The following CUL2 variants were observed in gnomAD, a reference collection of about 807,000 sequenced individuals.
CUL2 encodes the protein cullin-2.
A neutral mutation model predicts 110.2 loss-of-function variants in CUL2; 22 were observed. That is an observed-to-expected ratio of 0.20 (90% CI 0.14 to 0.28). The LOEUF is 0.28. Ranked by LOEUF, CUL2 falls within the 10% of genes least tolerant of loss-of-function variation. CUL2 has a pLI of 1.00. For synonymous variants in CUL2, 279 were observed against 293.2 expected, an observed-to-expected ratio of 0.95 and a Z score of 0.49; for missense variants, 631 against 905.5, an observed-to-expected ratio of 0.70 and a Z score of 3.89.
At chr10:35,064,522 G>T (rs2134945510) in intron 2 of CUL2, among the ~76,000 whole-genome samples, 1 of 152,190 alleles carries the variant, frequency 6.6e-6, no homozygotes, top group South Asian at 2.1e-4. Context: ...ATGGTTCCTA[G>T]CACTTGATGA....
At chr10:35,085,433 A>T (rs1035294256) in intron 1 of CUL2, among the ~76,000 whole-genome samples, 1 of 147,490 alleles carries the variant, frequency 6.8e-6, no homozygotes, top group Non-Finnish European at 1.5e-5. Flanking sequence ...CCGTCCCAAA[A>T]AAAAATAAAA....
intron 5 of CUL2, among the ~76,000 whole-genome samples, chr10:35,051,716 T>G (rs1369726270): frequency 6.6e-6 from 1 of 152,240 alleles, no homozygotes; most frequent in Non-Finnish European, 1.5e-5. Context: ...CATTTTGGGT[T>G]CTTCCCTGTG....
At chr10:35,077,825 A>G (rs902805621) in intron 1 of CUL2, among the ~76,000 whole-genome samples, 1 of 150,942 alleles carries the variant, frequency 6.6e-6, no homozygotes, top group Non-Finnish European at 1.5e-5. Flanking sequence ...CTCAAAAAAA[A>G]AAAAAGAAAA....
At chr10:35,062,260 GC>G (rs1247315735) in intron 3 of CUL2, among the ~76,000 whole-genome samples, 2 of 152,172 alleles carry the variant, frequency 1.3e-5, no homozygotes, top group African/African-American at 4.8e-5. Flanking sequence ...CACAGAGACA[GC>G]TTCTATCACC....
chr10:35,121,361 GCA>G (rs2087676510), intron 1 of CUL2, among the ~76,000 whole-genome samples: 4 of 152,184 alleles, frequency 2.6e-5, no homozygotes, highest in African/African-American at 9.7e-5. Flanking sequence ...CCAAGTAGCA[GCA>G]ACTATAGGCA....
Position 35,010,273 on chromosome 10 carries a change from G to A in CUL2, c.*38C>T. ...CACAGGAACACACCAAATGGTGATG[G>A]CAATGATCTTCTCACACCACGCTGG... is the stretch of plus-strand genomic sequence containing the variant. On this transcript the variant is annotated 3_prime_UTR_variant, in exon 21 of 21. Coordinates refer to ENST00000374749, the MANE Select transcript of CUL2 (RefSeq NM_003591.4). 3.2e-6 allele frequency: 5 copies of A among 1,544,952 alleles called. No homozygotes were observed. The highest frequency in any genetic ancestry group is 4.4e-6 in the Non-Finnish European group (5 of 1,142,384).
In CUL2 at chr10:35,035,661, C is replaced by G. The variant is rs377220799; in HGVS notation, c.878-365G>C. Reference sequence around the variant, plus strand: ...CTATGTATTTTACAGCTGCACAGTACTCCATTATGTGGATATAATTTCTTA... The same window carrying G: ...CTATGTATTTTACAGCTGCACAGTAGTCCATTATGTGGATATAATTTCTTA... On this transcript the variant is annotated intron_variant, in intron 9 of 20. Transcript: ENST00000374749. Among the ~76,000 whole-genome samples the G allele has an allele frequency of 6.3e-4, 96 of 152,304 alleles. 1 individual carries two copies. The South Asian group carries it at 0.018, about 29-fold the overall frequency.
At chr10:35,116,758 A>T (rs1447906894) in intron 1 of CUL2, among the ~76,000 whole-genome samples, 1 of 152,166 alleles carries the variant, frequency 6.6e-6, no homozygotes, top group Admixed American at 6.5e-5. Context: ...CAAGGTCAAG[A>T]GATTGAGACC....
chr10:35,029,388 A>G, intron 15 of CUL2, 100 bp downstream of exon 15: 1 of 839,452 alleles, frequency 1.2e-6, no homozygotes, highest in Non-Finnish European at 1.7e-6. Context: ...GCCACAATCT[A>G]CTCACAGAAC....
intron 1 of CUL2, among the ~76,000 whole-genome samples, chr10:35,116,082 C>T (rs57901385): frequency 0.013 from 1,966 of 152,194 alleles, 48 homozygotes; most frequent in African/African-American, 0.045. Flanking sequence ...GCGGTTCACA[C>T]CTGTAATCCC....
At chr10:35,037,128 T>C (rs1469228237) in intron 9 of CUL2, among the ~76,000 whole-genome samples, 1 of 152,246 alleles carries the variant, frequency 6.6e-6, no homozygotes, top group East Asian at 1.9e-4. Flanking sequence ...TTCTATATTA[T>C]CTTCTAGAAG....
intron 6 of CUL2, among the ~76,000 whole-genome samples, chr10:35,047,235 C>A (rs4934708): frequency 0.14 from 21,675 of 152,128 alleles, 1,862 homozygotes; most frequent in East Asian, 0.24. Context: ...CCTACCTCAA[C>A]CTCCATATTT....
chr10:35,045,916 G>A (rs2085926479), intron 6 of CUL2, among the ~76,000 whole-genome samples: 1 of 152,036 alleles, frequency 6.6e-6, no homozygotes, highest in Non-Finnish European at 1.5e-5. Context: ...CACAAAGAGA[G>A]CAACAGAAAA....
intron 15 of CUL2, 102 bp downstream of exon 15, chr10:35,029,386 C>A: frequency 1.2e-6 from 1 of 826,684 alleles, no homozygotes; most frequent in Non-Finnish European, 1.8e-6. Flanking sequence ...AAGCCACAAT[C>A]TACTCACAGA....
intron 2 of CUL2, chr10:35,099,503 A>G (rs1428415510): frequency 1.3e-5 from 2 of 152,146 alleles, no homozygotes; most frequent in Non-Finnish European, 2.9e-5. Flanking sequence ...CAGATTTCTA[A>G]AATAGCATAC....
chr10:35,065,676 A>G (rs1235226998), intron 2 of CUL2, among the ~76,000 whole-genome samples: 1 of 152,038 alleles, frequency 6.6e-6, no homozygotes, highest in African/African-American at 2.4e-5. Context: ...CCTGGCCAAC[A>G]TGTTGAAACC....
intron 17 of CUL2, among the ~76,000 whole-genome samples, chr10:35,024,258 A>T (rs1453638998): frequency 6.6e-6 from 1 of 152,214 alleles, no homozygotes; most frequent in Non-Finnish European, 1.5e-5. Flanking sequence ...TTATATAAGT[A>T]ATGCAAAATG....
intron 1 of CUL2, among the ~76,000 whole-genome samples, chr10:35,122,200 C>G (rs929608787): frequency 1.3e-5 from 2 of 152,298 alleles, no homozygotes; most frequent in Admixed American, 1.3e-4. Context: ...ATAGAAACGG[C>G]CTGCATAGAA....
chr10:35,063,842 A>G (rs1254544827), intron 2 of CUL2: 3 of 151,866 alleles, frequency 2.0e-5, no homozygotes, highest in Admixed American at 1.3e-4. Context: ...AGAACAAAAG[A>G]TAAGACTTAA....
Sources: allele counts gnomAD v4.1 joint callset (sites outside exome capture counted in the v4.1 genomes callset), GRCh38; gene constraint gnomAD v4.1.1; transcripts MANE v1.5; gene names NCBI Gene and HGNC (gene_info 2026-07-23, HGNC 2026-07-21).